The following PLEKHM3 variants were observed in gnomAD, a reference collection of about 807,000 sequenced individuals.
PLEKHM3 encodes the protein pleckstrin homology domain-containing family M member 3.
Under a neutral mutation model 81.8 loss-of-function variants are expected in PLEKHM3, and 45 were observed. The observed-to-expected ratio is 0.55, with a 90% CI of 0.43 to 0.71. The LOEUF (loss-of-function observed/expected upper bound fraction) is 0.71. Ranked by LOEUF, PLEKHM3 falls within the 30% of genes least tolerant of loss-of-function variation. PLEKHM3 has a pLI of 0.00. For synonymous variants in PLEKHM3, 352 were observed against 356.4 expected (o/e 0.99, Z 0.14); for missense variants, 788 against 924.3 (o/e 0.85, Z 1.91).
At position 208,001,704 on chromosome 2, in the gene PLEKHM3, C is replaced by T. The variant is rs559254513; in HGVS notation, c.-65G>A. 1 of 1,544,520 alleles carries T rather than the reference C, an allele frequency of 6.5e-7. No individual in the cohort carries two copies. Among genetic ancestry groups the T allele is most frequent in the Non-Finnish European group, 8.7e-7 (1 of 1,153,056 alleles). On this transcript the variant is annotated 5_prime_UTR_variant, in exon 2 of 8. The change creates a new upstream start codon in the 5' untranslated region. Transcript: ENST00000427836. ...CCAGAAATGGCTTCATGAACATTCACCCAACCAAGAGGGGTGCTTCAGCAA... is the reference window on the plus strand; with the variant it reads ...CCAGAAATGGCTTCATGAACATTCATCCAACCAAGAGGGGTGCTTCAGCAA...
chr2:207,899,931 C>T (rs1688362556), intron 6 of PLEKHM3: 1 of 152,122 alleles, frequency 6.6e-6, no homozygotes, highest in African/African-American at 2.4e-5. Context: ...GTCATAGCCT[C>T]TAGGAAGCCT....
Position 207,976,888 on chromosome 2 carries a change from G to A in PLEKHM3, c.1309C>T (p.Arg437Ter), listed in dbSNP as rs1447181721. 3.1e-6 allele frequency: 5 copies of A among 1,614,100 alleles called. No homozygotes were observed. Among genetic ancestry groups the A allele is most frequent in the South Asian group, 1.1e-5 (1 of 91,094 alleles). The change falls in exon 3 of 8, where the codon CGA becomes TGA. Residue 437 changes from arginine to a stop codon, truncating the protein, a stop_gained. Coordinates refer to ENST00000427836, the MANE Select transcript of PLEKHM3 (RefSeq NM_001080475.3). LOFTEE classifies it high-confidence loss of function. This position sits in a 1 kb window ranked among gnomAD's most constrained non-coding sequence, Gnocchi z 4.1. Reference protein sequence around the residue: ...VIFPQDVLRLRAETRQRAQEW... With the variant: ...VIFPQDVLRL The stretch of plus-strand genomic sequence containing the variant: ...TGAGCCCTCTGTCGGGTCTCAGCTC[G>A]GAGGCGAAGGACATCCTGGGGGAAA...
At chr2:207,855,076 T>A (rs539334921) in intron 7 of PLEKHM3, among the ~76,000 whole-genome samples, 21 of 152,300 alleles carry the variant, frequency 1.4e-4, no homozygotes, top group Non-Finnish European at 2.5e-4. Context: ...TGCCTAGATC[T>A]CAGTTTCTAA....
Position 207,976,821 on chromosome 2 carries a change from C to T in PLEKHM3, c.1376G>A (p.Arg459Lys). The T allele has an allele frequency of 6.2e-7, 1 of 1,614,246 alleles. No homozygotes were observed. Among genetic ancestry groups the T allele is most frequent in the Non-Finnish European group, 8.5e-7 (1 of 1,180,048 alleles). Residue 459 changes from arginine (R) to lysine (K), a missense_variant, in exon 3 of 8, where the codon AGG (arginine) becomes AAG (lysine). Coordinates refer to ENST00000427836, the MANE Select transcript of PLEKHM3 (RefSeq NM_001080475.3). This position sits in a 1 kb window ranked among gnomAD's most constrained non-coding sequence, Gnocchi z 4.1. The part of the protein sequence containing the change: ...EALKIAANVA[R>K]SSEQNLQVTL... ...GACTTGCAGGTTTTGCTCTGAACTC[C>T]TCGCCACATTGGCAGCTATCTTCAG...
intron 7 of PLEKHM3, among the ~76,000 whole-genome samples, chr2:207,833,540 C>T (rs1002475068): frequency 6.6e-6 from 1 of 151,914 alleles, no homozygotes; most frequent in Non-Finnish European, 1.5e-5. Context: ...TTTTCTCATA[C>T]CTAGGGATCT....
Position 208,012,799 on chromosome 2 carries a change from A to G in PLEKHM3, c.-318-10842T>C, listed in dbSNP as rs935961351. The stretch of plus-strand genomic sequence containing the variant: ...CTACCTGAGAAAGCAGAGAAGCACA[A>G]ATGTGGACAAAGTATGTGAAAGTTC... On this transcript the variant is annotated intron_variant, in intron 1 of 7. Coordinates refer to ENST00000427836, the MANE Select transcript of PLEKHM3 (RefSeq NM_001080475.3). 7.9e-5 allele frequency among the ~76,000 whole-genome samples: 12 copies of G among 152,232 alleles called. No homozygotes were observed. In the East Asian group the frequency reaches 9.6e-4, roughly 12 times the overall value.
intron 6 of PLEKHM3, among the ~76,000 whole-genome samples, chr2:207,863,295 C>A (rs946910773): frequency 2.6e-5 from 4 of 152,218 alleles, no homozygotes; most frequent in Non-Finnish European, 4.4e-5. Flanking sequence ...TTGCCCCTCC[C>A]CATCATGAAC....
At chr2:207,860,878 G>GT (rs1483815952) in intron 7 of PLEKHM3, among the ~76,000 whole-genome samples, 1 of 152,160 alleles carries the variant, frequency 6.6e-6, no homozygotes, top group Admixed American at 6.6e-5. Context: ...GTTAGGCAAT[G>GT]TTTCTTTGCA....
At chr2:207,863,676 G>C (rs978385679) in intron 6 of PLEKHM3, among the ~76,000 whole-genome samples, 1 of 152,106 alleles carries the variant, frequency 6.6e-6, no homozygotes, top group Admixed American at 6.5e-5. Flanking sequence ...TTTGTCCACC[G>C]ACCCGGTCTT....
At chr2:207,900,865 T>G (rs1688399869) in intron 6 of PLEKHM3, 1 of 175,436 alleles carries the variant, frequency 5.7e-6, no homozygotes, top group African/African-American at 2.4e-5. Flanking sequence ...CCTTACTCTA[T>G]ATCTTTAAGT....
chr2:207,844,382 A>C (rs2092371438), intron 7 of PLEKHM3, among the ~76,000 whole-genome samples: 1 of 147,214 alleles, frequency 6.8e-6, no homozygotes, highest in Non-Finnish European at 1.5e-5. Flanking sequence ...GGCTCACTGC[A>C]AGCTCCGCCT....
At chr2:207,891,872 C>T (rs1326183558) in intron 6 of PLEKHM3, among the ~76,000 whole-genome samples, 3 of 152,180 alleles carry the variant, frequency 2.0e-5, no homozygotes, top group South Asian at 2.1e-4. Flanking sequence ...CTGAATCTTT[C>T]ACTTATGGAT....
intron 6 of PLEKHM3, among the ~76,000 whole-genome samples, chr2:207,879,910 C>T (rs1019169276): frequency 1.3e-4 from 20 of 152,270 alleles, no homozygotes; most frequent in African/African-American, 2.9e-4. Flanking sequence ...ATGTTCAGCT[C>T]CTTCTGTACA....
chr2:207,902,815 TCCACCCACCCAC>T (rs377451056), intron 6 of PLEKHM3, among the ~76,000 whole-genome samples: 2 of 129,416 alleles, frequency 1.5e-5, no homozygotes, highest in African/African-American at 5.9e-5. Context: ...CTGTCACCCA[TCCACCCACCCAC>T]CCATCCACCC....
At chr2:207,995,345 C>A (rs1472607538) in intron 2 of PLEKHM3, among the ~76,000 whole-genome samples, 1 of 152,140 alleles carries the variant, frequency 6.6e-6, no homozygotes, top group African/African-American at 2.4e-5. Flanking sequence ...TTCAACTATA[C>A]CTATATTGGT....
At chr2:207,953,565 G>A (rs574833887) in intron 3 of PLEKHM3, among the ~76,000 whole-genome samples, 2 of 152,260 alleles carry the variant, frequency 1.3e-5, no homozygotes, top group South Asian at 4.2e-4. Context: ...GAGGTGGACA[G>A]ATCTCTTGGG....
chr2:207,999,945 TTGAGTAGAAG>T (rs1692241332), intron 2 of PLEKHM3, among the ~76,000 whole-genome samples: 1 of 152,198 alleles, frequency 6.6e-6, no homozygotes, highest in South Asian at 2.1e-4. Context: ...TCCTAGTTAA[TTGAGTAGAAG>T]CCATCTACAT....
chr2:207,951,828 G>A (rs533164823), intron 3 of PLEKHM3, among the ~76,000 whole-genome samples: 3 of 152,278 alleles, frequency 2.0e-5, no homozygotes, highest in South Asian at 4.2e-4. Context: ...CTGCGATCTT[G>A]AGGAAGAGCC....
At chr2:207,865,340 A>G (rs75935890) in intron 6 of PLEKHM3, among the ~76,000 whole-genome samples, 1,897 of 152,262 alleles carry the variant, frequency 0.012, 40 homozygotes, top group African/African-American at 0.043. Context: ...CTACAATTCA[A>G]TGGTTCTTAG....
Sources: gnomAD v4.1 joint callset for allele counts (sites outside exome capture counted in the v4.1 genomes callset) on GRCh38, gnomAD v4.1.1 for gene constraint, Gnocchi (gnomAD v3.1) non-coding constraint, MANE v1.5 for transcripts, NCBI Gene and HGNC (gene_info 2026-07-23, HGNC 2026-07-21) for gene names.